Variants in KIF26B observed in about 807,000 individuals in gnomAD.
KIF26B encodes kinesin family member 26B.
KIF26B carries 63 observed loss-of-function variants against 151.2 expected under a neutral mutation model. The observed-to-expected ratio is 0.42, with a 90% confidence interval of 0.34 to 0.51. KIF26B has a LOEUF of 0.51. KIF26B is among the 20% of genes least tolerant of loss of function. KIF26B has a pLI of 0.07. For missense variants in KIF26B, 2,813 were observed against 2,913.6 expected (o/e 0.97, Z 0.79); for synonymous variants, 1,357 against 1,262.1 (o/e 1.08, Z -1.59).
rs548422038 is a variant in KIF26B at position 245,527,524 on chromosome 1, C to CTTTTTTTTTTTTTTTTTTTTTTTTTT, written c.1167-13241_1167-13216dup. Among the ~76,000 whole-genome samples, 21 of 50,722 alleles carry CTTTTTTTTTTTTTTTTTTTTTTTTTT rather than the reference C, an allele frequency of 4.1e-4. 6 individuals are homozygous for CTTTTTTTTTTTTTTTTTTTTTTTTTT. Among genetic ancestry groups the CTTTTTTTTTTTTTTTTTTTTTTTTTT allele is most frequent in the African/African-American group, 1.7e-3 (17 of 10,212 alleles). The allele number at this position is 50,722 out of a possible 152,430, so 33.3% of individuals were successfully genotyped here. On this transcript the variant is annotated intron_variant, in intron 4 of 14. Transcript: ENST00000407071. ...TCATTTATATCTGGCTTTGGGATGG[C>CTTTTTTTTTTTTTTTTTTTTTTTTTT]TTTTTTTTTTTTTTTTTTTTTTTTT...
chr1:245,655,549 T>G (rs1215678231), intron 10 of KIF26B, among the ~76,000 whole-genome samples: 1 of 152,224 alleles, frequency 6.6e-6, no homozygotes, highest in Admixed American at 6.5e-5. Flanking sequence ...CTACAGGCTC[T>G]GCACGAAAGT....
intron 4 of KIF26B, among the ~76,000 whole-genome samples, chr1:245,481,351 T>C (rs1293304359): frequency 6.6e-6 from 1 of 151,908 alleles, no homozygotes; most frequent in Non-Finnish European, 1.5e-5. Flanking sequence ...TCAGTCAATC[T>C]GTCTAGAGAA....
At chr1:245,226,308 G>GT (rs1669872040) in intron 2 of KIF26B, among the ~76,000 whole-genome samples, 1 of 152,232 alleles carries the variant, frequency 6.6e-6, no homozygotes, top group South Asian at 2.1e-4. Flanking sequence ...TCAGGTTGCA[G>GT]AGAGCCAGCT....
intron 4 of KIF26B, among the ~76,000 whole-genome samples, chr1:245,529,914 A>C (rs1420605088): frequency 6.6e-6 from 1 of 152,222 alleles, no homozygotes; most frequent in Non-Finnish European, 1.5e-5. Context: ...AAATATTTGC[A>C]AACTATCCAT....
chr1:245,671,837 A>G (rs1249996809), intron 10 of KIF26B, among the ~76,000 whole-genome samples: 1 of 152,178 alleles, frequency 6.6e-6, no homozygotes, highest in East Asian at 1.9e-4. Flanking sequence ...TCTGACTTGA[A>G]ACCTGGGATG....
At chr1:245,644,919 C>T (rs10802235) in intron 9 of KIF26B, among the ~76,000 whole-genome samples, 18,888 of 152,184 alleles carry the variant, frequency 0.12, 1,428 homozygotes, top group African/African-American at 0.21. Flanking sequence ...GCATGGCACC[C>T]AGCATCTGCT....
At chr1:245,455,106 T>C (rs914630312) in intron 4 of KIF26B, among the ~76,000 whole-genome samples, 3 of 152,224 alleles carry the variant, frequency 2.0e-5, no homozygotes, top group African/African-American at 7.2e-5. Flanking sequence ...AGGCTGGCTC[T>C]GTGTCATGTT....
chr1:245,648,175 A>G (rs570548189), intron 10 of KIF26B, among the ~76,000 whole-genome samples: 3 of 152,358 alleles, frequency 2.0e-5, no homozygotes, highest in Admixed American at 2.0e-4. Flanking sequence ...TTGATTACAT[A>G]TCTTACTTAT....
At chr1:245,455,668 T>C (rs982747269) in intron 4 of KIF26B, among the ~76,000 whole-genome samples, 3 of 152,200 alleles carry the variant, frequency 2.0e-5, no homozygotes, top group Admixed American at 1.3e-4. Context: ...CCTTATTAGA[T>C]ACAGATGGAT....
At chr1:245,363,833 C>T (rs917285050) in intron 2 of KIF26B, among the ~76,000 whole-genome samples, 6 of 152,094 alleles carry the variant, frequency 3.9e-5, no homozygotes, top group Admixed American at 2.6e-4. Context: ...CTGTGGCGGT[C>T]GTATTGATGT....
Position 245,685,837 on chromosome 1 carries a change from G to A in KIF26B, c.2854G>A (p.Ala952Thr). 1 of 1,612,166 alleles carries A rather than the reference G, an allele frequency of 6.2e-7. No homozygotes were observed. ...CAGCTTTCCTTTCGAAGAACTGCCT[G>A]CTCAGTTTGGGCCAGAGCAGGCAAG... ...PSSFPFEELP[A>T]QFGPEQASRG... Residue 952 changes from alanine (A) to threonine (T), a missense_variant, in exon 12 of 15, where the codon GCT (alanine) becomes ACT (threonine). Coordinates refer to ENST00000407071, the MANE Select transcript of KIF26B (RefSeq NM_018012.4).
chr1:245,643,144 G>A (rs745567076), intron 9 of KIF26B, among the ~76,000 whole-genome samples: 10 of 152,152 alleles, frequency 6.6e-5, no homozygotes, highest in Non-Finnish European at 1.3e-4. Flanking sequence ...ATATAGTAGA[G>A]CCTCACTTTT....
chr1:245,688,728 G>T lies in KIF26B; in HGVS notation c.5745G>T (p.Gln1915His). The T allele has an allele frequency of 6.2e-7, 1 of 1,609,240 alleles. No homozygotes were observed. The highest frequency in any genetic ancestry group is 1.7e-5 in the Admixed American group (1 of 59,806). The change falls in exon 12 of 15, where the codon CAG becomes CAT. Residue 1915 changes from glutamine (Q) to histidine (H), a missense_variant. By Grantham distance (24) the Gln-to-His change is conservative (BLOSUM62 0). Transcript: ENST00000407071. ...SEATGSASSA[Q>H]DSTSENSSSV... Reference sequence around the variant, plus strand: ...CCACCGGCAGCGCGTCCTCGGCGCAGGACTCCACGAGCGAGAACAGCAGCT... The same window carrying T: ...CCACCGGCAGCGCGTCCTCGGCGCATGACTCCACGAGCGAGAACAGCAGCT...
At chr1:245,181,495 G>C (rs1474148554) in intron 2 of KIF26B, among the ~76,000 whole-genome samples, 1 of 144,412 alleles carries the variant, frequency 6.9e-6, no homozygotes, top group Non-Finnish European at 1.5e-5. Context: ...GAATTCAGGA[G>C]AGAAAAACGT....
At position 245,637,585 on chromosome 1, in the gene KIF26B, G is replaced by A. The variant is rs138768127; in HGVS notation, c.2099-8536G>A. Among the ~76,000 whole-genome samples, 6 of 151,658 alleles carry A rather than the reference G, an allele frequency of 4.0e-5. No individual in the cohort carries two copies. The East Asian group carries it at 9.7e-4, about 24-fold the overall frequency. ...TTGAGGTCTTACCCCAAAAATATTC[G>A]CCAATGTCCTGTAGTATCTCCCCAG... On this transcript the variant is annotated intron_variant, in intron 9 of 14. Coordinates refer to ENST00000407071, the MANE Select transcript of KIF26B (RefSeq NM_018012.4).
intron 4 of KIF26B, among the ~76,000 whole-genome samples, chr1:245,446,568 T>C (rs560156021): frequency 1.1e-4 from 17 of 152,222 alleles, no homozygotes; most frequent in African/African-American, 3.4e-4. Flanking sequence ...CCTAAGTGTG[T>C]TTTTAGCCCC....
At chr1:245,531,519 G>GA (rs199687685) in intron 4 of KIF26B, among the ~76,000 whole-genome samples, 126 of 149,684 alleles carry the variant, frequency 8.4e-4, no homozygotes, top group Non-Finnish European at 1.3e-3. Flanking sequence ...AATGTTTTAA[G>GA]AAAAAAAAAA....
chr1:245,647,740 A>G (rs1398680516), intron 10 of KIF26B, among the ~76,000 whole-genome samples: 1 of 152,142 alleles, frequency 6.6e-6, no homozygotes, highest in Admixed American at 6.5e-5. Context: ...CCTCAGCCCT[A>G]TGTTGATGCC....
chr1:245,238,856 G>A (rs1670161189), intron 2 of KIF26B, among the ~76,000 whole-genome samples: 2 of 150,410 alleles, frequency 1.3e-5, no homozygotes, highest in South Asian at 4.2e-4. Flanking sequence ...GAGCAAAACT[G>A]TCTCAAAAAA....
Sources: gnomAD v4.1 joint callset for allele counts (sites outside exome capture counted in the v4.1 genomes callset) on GRCh38, gnomAD v4.1.1 for gene constraint, MANE v1.5 for transcripts, NCBI Gene and HGNC (gene_info 2026-07-23, HGNC 2026-07-21) for gene names.